NAALADL2: variants seen among roughly 807,000 people sequenced by gnomAD.
The protein encoded by NAALADL2 is N-acetylated alpha-linked acidic dipeptidase like 2, also known as inactive N-acetylated-alpha-linked acidic dipeptidase-like protein 2.
NAALADL2 carries 76 observed loss-of-function variants against 87.2 expected under a neutral mutation model. That is an observed-to-expected ratio of 0.87 (90% confidence interval 0.72 to 1.05). The LOEUF (loss-of-function observed/expected upper bound fraction) is 1.05, where lower values mean the gene tolerates loss of function less well. Among genes scored for constraint, NAALADL2 ranks in the 50% least tolerant of loss-of-function variants. The probability of loss-of-function intolerance (pLI) is 0.00; values close to 1 mark genes in which losing one functional copy is unlikely to be tolerated. For missense variants in NAALADL2, 1,089 were observed against 945.8 expected (o/e 1.15, Z -1.99); for synonymous variants, 354 against 331.0 (o/e 1.07, Z -0.75).
At chr3:174,989,241 G>A (rs1034321305) in intron 1 of NAALADL2, among the ~76,000 whole-genome samples, 1 of 152,144 alleles carries the variant, frequency 6.6e-6, no homozygotes, top group Non-Finnish European at 1.5e-5. Flanking sequence ...TTCAAAATGA[G>A]ATTTGGGACA....
chr3:174,908,926 G>T (rs144086906), intron 1 of NAALADL2, among the ~76,000 whole-genome samples: 1 of 151,648 alleles, frequency 6.6e-6, no homozygotes, highest in Non-Finnish European at 1.5e-5. Context: ...CAACCTTGAT[G>T]ATAAAGGAAA....
chr3:174,635,411 G>A (rs1212401123), intron 2 of NAALADL2, among the ~76,000 whole-genome samples: 1 of 151,820 alleles, frequency 6.6e-6, no homozygotes. Context: ...ATTTTTACAG[G>A]TTATTAGCCA....
At chr3:175,064,630 C>T (rs955698400) in intron 1 of NAALADL2, among the ~76,000 whole-genome samples, 2 of 152,142 alleles carry the variant, frequency 1.3e-5, no homozygotes, top group Admixed American at 1.3e-4. Flanking sequence ...ACACTCTGAC[C>T]TCACTCTCCT....
At chr3:175,739,288 A>G (rs1020819798) in intron 12 of NAALADL2, among the ~76,000 whole-genome samples, 26 of 152,210 alleles carry the variant, frequency 1.7e-4, no homozygotes, top group African/African-American at 6.0e-4. Context: ...TGTGGTTCAT[A>G]TTTGTGACGA....
intron 9 of NAALADL2, among the ~76,000 whole-genome samples, chr3:175,566,599 G>A (rs1197794543): frequency 1.4e-5 from 1 of 71,414 alleles, no homozygotes; most frequent in African/African-American, 5.4e-5. Context: ...TCAGTATGAG[G>A]CGCCAGATTT....
chr3:175,336,280 A>G (rs745834501), intron 5 of NAALADL2, among the ~76,000 whole-genome samples: 3 of 152,178 alleles, frequency 2.0e-5, no homozygotes, highest in African/African-American at 4.8e-5. Context: ...ACTTATTATT[A>G]TTGTAATGTG....
chr3:174,631,241 T>G (rs1722084112), intron 2 of NAALADL2, among the ~76,000 whole-genome samples: 1 of 152,190 alleles, frequency 6.6e-6, no homozygotes, highest in African/African-American at 2.4e-5. Flanking sequence ...AAAAGTTGCT[T>G]AAGTATATTG....
intron 1 of NAALADL2, among the ~76,000 whole-genome samples, chr3:175,004,670 G>A (rs539721231): frequency 6.6e-6 from 1 of 152,040 alleles, no homozygotes; most frequent in African/African-American, 2.4e-5. Context: ...AGTTGTCCAC[G>A]TAAGTGGCTC....
chr3:175,482,044 G>A (rs911391910), intron 9 of NAALADL2, among the ~76,000 whole-genome samples: 18 of 141,434 alleles, frequency 1.3e-4, no homozygotes, highest in African/African-American at 3.0e-4. Context: ...GCACTGAGGC[G>A]AAGCTTACAG....
At chr3:175,397,662 A>G (rs1432251918) in intron 5 of NAALADL2, among the ~76,000 whole-genome samples, 1 of 152,186 alleles carries the variant, frequency 6.6e-6, no homozygotes, top group African/African-American at 2.4e-5. Flanking sequence ...ATTTCTGGAT[A>G]GAAAGATTCT....
chr3:175,203,326 C>T (rs1421371885), intron 2 of NAALADL2, among the ~76,000 whole-genome samples: 1 of 152,134 alleles, frequency 6.6e-6, no homozygotes, highest in African/African-American at 2.4e-5. Flanking sequence ...CTGCTGCTTC[C>T]TCTACCCCTG....
intron 2 of NAALADL2, among the ~76,000 whole-genome samples, chr3:175,199,105 A>G (rs1316714720): frequency 6.6e-6 from 1 of 152,184 alleles, no homozygotes; most frequent in East Asian, 1.9e-4. Context: ...TGTATTCATC[A>G]GCAGGATGTG....
intron 4 of NAALADL2, among the ~76,000 whole-genome samples, chr3:175,304,263 G>A (rs548912328): frequency 6.0e-4 from 92 of 152,156 alleles, no homozygotes; most frequent in African/African-American, 2.2e-3. Context: ...TTGGATATGC[G>A]GAAATGAATT....
At chr3:174,598,130 G>A (rs1260295962) in intron 2 of NAALADL2, among the ~76,000 whole-genome samples, 1 of 152,048 alleles carries the variant, frequency 6.6e-6, no homozygotes, top group Non-Finnish European at 1.5e-5. Context: ...ATAATGATCT[G>A]TATTTCATTC....
intron 2 of NAALADL2, among the ~76,000 whole-genome samples, chr3:174,585,226 G>GA (rs1478863959): frequency 3.3e-5 from 5 of 151,962 alleles, no homozygotes; most frequent in Admixed American, 1.3e-4. Context: ...GTGGAGTTTT[G>GA]AAAAAAATCC....
intron 1 of NAALADL2, among the ~76,000 whole-genome samples, chr3:174,906,276 A>C (rs950673188): frequency 3.3e-5 from 5 of 152,088 alleles, no homozygotes; most frequent in African/African-American, 1.2e-4. Flanking sequence ...TTGCTTCGAC[A>C]GTATGGAACT....
At chr3:174,727,309 A>G (rs1034100579) in intron 2 of NAALADL2, among the ~76,000 whole-genome samples, 1 of 151,934 alleles carries the variant, frequency 6.6e-6, no homozygotes, top group Admixed American at 6.6e-5. Context: ...TATTAAGGAT[A>G]TGGAGATCAG....
At chr3:175,429,210 C>T (rs5008565) in intron 5 of NAALADL2, among the ~76,000 whole-genome samples, 36,401 of 147,110 alleles carry the variant, frequency 0.25, 5,586 homozygotes, top group African/African-American at 0.44. Context: ...CACACACACA[C>T]ATATATATAC....
intron 1 of NAALADL2, among the ~76,000 whole-genome samples, chr3:174,496,788 C>A (rs899212777): frequency 6.6e-6 from 1 of 151,974 alleles, no homozygotes; most frequent in African/African-American, 2.4e-5. Context: ...TATTTATTTA[C>A]CTTTATAACC....
Sources: gnomAD v4.1 joint callset for allele counts (sites outside exome capture counted in the v4.1 genomes callset) on GRCh38, gnomAD v4.1.1 for gene constraint, MANE v1.5 for transcripts, NCBI Gene and HGNC (gene_info 2026-07-23, HGNC 2026-07-21) for gene names.